The following NEMP2 variants were observed in gnomAD, a reference collection of about 807,000 sequenced individuals.
NEMP2 encodes nuclear envelope integral membrane protein 2, also known as UPF0571 transmembrane protein.
In NEMP2, 53 loss-of-function variants were observed where a neutral mutation model predicts 54.2. That is an observed-to-expected ratio of 0.98 (90% CI 0.78 to 1.23). NEMP2 has a LOEUF of 1.23. Ranked by LOEUF, NEMP2 falls within the 50% of genes most tolerant of loss-of-function variation. NEMP2 has a pLI of 0.00. For missense variants in NEMP2, 455 were observed against 511.3 expected, an observed-to-expected ratio of 0.89 and a Z score of 1.06; for synonymous variants, 197 against 190.3, an observed-to-expected ratio of 1.04 and a Z score of -0.29.
chr2:190,459,564 T>C, the NEMP2 span, among the ~76,000 whole-genome samples: 1 of 152,190 alleles, frequency 6.6e-6, no homozygotes, highest in Non-Finnish European at 1.5e-5. The surrounding 1 kb of genome is among the most constrained non-coding windows in gnomAD (Gnocchi z 5.3). Context: ...GTGGTTGGGT[T>C]CCATTAATCA....
At chr2:190,463,195 GAAAACAA>G in the NEMP2 span, among the ~76,000 whole-genome samples, 2 of 152,174 alleles carry the variant, frequency 1.3e-5, no homozygotes, top group African/African-American at 2.4e-5. This position sits in a 1 kb window ranked among gnomAD's most constrained non-coding sequence, Gnocchi z 4.4. Flanking sequence ...ACAGTTATGA[GAAAACAA>G]ATTTTCTAGA....
chr2:190,516,488 C>A, intron 5 of NEMP2, 104 bp from the exon 6 acceptor site: 1 of 835,322 alleles, frequency 1.2e-6, no homozygotes, highest in Non-Finnish European at 1.9e-6. Flanking sequence ...CTACATCAAA[C>A]TGATTTGAAG....
the NEMP2 span, among the ~76,000 whole-genome samples, chr2:190,604,574 C>A: frequency 6.6e-6 from 1 of 152,124 alleles, no homozygotes; most frequent in African/African-American, 2.4e-5. The surrounding 1 kb of genome is among the most constrained non-coding windows in gnomAD (Gnocchi z 4.5). Context: ...ATTAATACTG[C>A]CTTCATTTCA....
At chr2:190,424,421 C>T in the NEMP2 span, among the ~76,000 whole-genome samples, 6 of 152,008 alleles carry the variant, frequency 3.9e-5, no homozygotes, top group East Asian at 5.8e-4. This position sits in a 1 kb window ranked among gnomAD's most constrained non-coding sequence, Gnocchi z 5.9. Flanking sequence ...CTGCAACCTC[C>T]GCCTCCCAGG....
intron 7 of NEMP2, among the ~76,000 whole-genome samples, chr2:190,511,987 T>C (rs913511080): frequency 6.7e-6 from 1 of 150,150 alleles, no homozygotes; most frequent in African/African-American, 2.4e-5. Context: ...TTTAAGTATA[T>C]ATATATTTTT....
the NEMP2 span, among the ~76,000 whole-genome samples, chr2:190,595,575 C>A: frequency 6.6e-6 from 1 of 152,096 alleles, no homozygotes; most frequent in South Asian, 2.1e-4. This position sits in a 1 kb window ranked among gnomAD's most constrained non-coding sequence, Gnocchi z 4.0. Context: ...ACAACCCCAT[C>A]AAAAAGTGTG....
rs1690727623 is a variant in NEMP2 at position 190,520,778 on chromosome 2, T to C, written c.214-1595A>G. Among the ~76,000 whole-genome samples, 1 of 152,120 alleles carries C rather than the reference T, an allele frequency of 6.6e-6. No individual in the cohort carries two copies. The highest frequency in any genetic ancestry group is 2.1e-4 in the South Asian group (1 of 4,818). On this transcript the variant is annotated intron_variant, in intron 2 of 8. Coordinates refer to ENST00000409150, the MANE Select transcript of NEMP2 (RefSeq NM_001142645.2). The surrounding 1 kb of genome is among the most constrained non-coding windows in gnomAD (Gnocchi z 5.4). ...GACTGCAGCCCCTCCATACATTGTG[T>C]TTCATTCATCTCACTGTGTGACCAC...
chr2:190,492,666 T>C, the NEMP2 span, among the ~76,000 whole-genome samples: 1 of 152,026 alleles, frequency 6.6e-6, no homozygotes, highest in African/African-American at 2.4e-5. The surrounding 1 kb of genome is among the most constrained non-coding windows in gnomAD (Gnocchi z 5.2). Flanking sequence ...AACAAAACAA[T>C]TACCAGCCAA....
chr2:190,571,462 G>T, the NEMP2 span, among the ~76,000 whole-genome samples: 1 of 152,040 alleles, frequency 6.6e-6, no homozygotes, highest in African/African-American at 2.4e-5. Flanking sequence ...AGAATCGCTC[G>T]AACTCAGGAG....
the NEMP2 span, among the ~76,000 whole-genome samples, chr2:190,423,966 G>A: frequency 1.3e-5 from 2 of 152,190 alleles, no homozygotes; most frequent in East Asian, 1.9e-4. The surrounding 1 kb of genome is among the most constrained non-coding windows in gnomAD (Gnocchi z 4.3). Context: ...GTCCCTTCAC[G>A]TTTTTTGTCC....
At chr2:190,470,219 C>G in the NEMP2 span, among the ~76,000 whole-genome samples, 1 of 152,116 alleles carries the variant, frequency 6.6e-6, no homozygotes. Flanking sequence ...TGTAGGTTAA[C>G]TATAGTTACT....
the NEMP2 span, among the ~76,000 whole-genome samples, chr2:190,546,840 C>T: frequency 6.6e-6 from 1 of 152,174 alleles, no homozygotes; most frequent in Admixed American, 6.5e-5. This position sits in a 1 kb window ranked among gnomAD's most constrained non-coding sequence, Gnocchi z 5.1. Context: ...GTTGTGTGCA[C>T]GGAAGTCTCA....
the NEMP2 span, among the ~76,000 whole-genome samples, chr2:190,462,877 C>T: frequency 6.6e-6 from 1 of 152,192 alleles, no homozygotes; most frequent in South Asian, 2.1e-4. This position sits in a 1 kb window ranked among gnomAD's most constrained non-coding sequence, Gnocchi z 5.7. Context: ...ATTCTGTGGC[C>T]TTGTCTCCTC....
the NEMP2 span, among the ~76,000 whole-genome samples, chr2:190,631,495 T>G: frequency 2.0e-5 from 3 of 152,238 alleles, no homozygotes; most frequent in Non-Finnish European, 4.4e-5. Flanking sequence ...ACTACTTTTA[T>G]TTTGAATATG....
chr2:190,569,312 G>A, the NEMP2 span, among the ~76,000 whole-genome samples: 1 of 152,150 alleles, frequency 6.6e-6, no homozygotes, highest in Non-Finnish European at 1.5e-5. Context: ...TTCTTTTGGG[G>A]AGCAGGACAG....
chr2:190,445,459 A>C, the NEMP2 span, among the ~76,000 whole-genome samples: 5 of 148,160 alleles, frequency 3.4e-5, no homozygotes, highest in African/African-American at 1.2e-4. Context: ...CCCAATCACA[A>C]AAAAAAAAAC....
chr2:190,452,506 C>T, the NEMP2 span, among the ~76,000 whole-genome samples: 1 of 152,066 alleles, frequency 6.6e-6, no homozygotes, highest in African/African-American at 2.4e-5. Flanking sequence ...ATTAAGTTTC[C>T]CATGATGACA....
the NEMP2 span, chr2:190,625,902 A>C: frequency 6.6e-6 from 1 of 152,184 alleles, no homozygotes; most frequent in Non-Finnish European, 1.5e-5. Context: ...TAGAGACCCA[A>C]ATATGTCTCT....
At chr2:190,477,837 G>A in the NEMP2 span, among the ~76,000 whole-genome samples, 1 of 152,094 alleles carries the variant, frequency 6.6e-6, no homozygotes, top group South Asian at 2.1e-4. Flanking sequence ...GCAGGGAGTG[G>A]GAGGATGAAG....
Sources: gnomAD v4.1 joint callset for allele counts (sites outside exome capture counted in the v4.1 genomes callset) on GRCh38, gnomAD v4.1.1 for gene constraint, Gnocchi (gnomAD v3.1) non-coding constraint, MANE v1.5 for transcripts, NCBI Gene and HGNC (gene_info 2026-07-23, HGNC 2026-07-21) for gene names.